Variants in CACNA1E observed in about 807,000 individuals in gnomAD.
CACNA1E encodes calcium voltage-gated channel subunit alpha1 E, also known as voltage-dependent R-type calcium channel subunit alpha-1E.
A neutral mutation model predicts 259.2 loss-of-function variants in CACNA1E; 40 were observed. That is an observed-to-expected ratio of 0.15 (90% CI 0.12 to 0.20). CACNA1E has a LOEUF of 0.20. Among genes scored for constraint, CACNA1E ranks in the 10% least tolerant of loss-of-function variants. The pLI is 1.00. For synonymous variants in CACNA1E, 1,104 were observed against 1,138.5 expected (o/e 0.97, Z 0.61); for missense variants, 1,874 against 3,040.1 (o/e 0.62, Z 9.02).
rs113998101 is a variant in CACNA1E, at chr1:181,691,240, A to T, written c.1056-19714A>T. ...TTTATTTAGTTCTTTGATTTTATTT[A>T]TCAGAGTTTTGTAGTTTTCCTTATG... On this transcript the variant is annotated intron_variant, in intron 7 of 47. Coordinates refer to ENST00000367573, the MANE Select transcript of CACNA1E (RefSeq NM_001205293.3). Among the ~76,000 whole-genome samples, 972 of 151,946 alleles carry T rather than the reference A, an allele frequency of 6.4e-3. 14 individuals carry two copies. Among genetic ancestry groups the T allele is most frequent in the African/African-American group, 0.023 (934 of 41,508 alleles).
intron 3 of CACNA1E, among the ~76,000 whole-genome samples, chr1:181,549,833 G>A (rs79755568): frequency 0.014 from 2,200 of 152,320 alleles, 68 homozygotes; most frequent in East Asian, 0.14. Flanking sequence ...TGGAGTGGGC[G>A]TGGAGTGGAG....
chr1:181,412,563 CA>C (rs111792171), intron 1 of CACNA1E, among the ~76,000 whole-genome samples: 269 of 141,276 alleles, frequency 1.9e-3, no homozygotes, highest in Non-Finnish European at 1.8e-3. Flanking sequence ...GATCCTATCT[CA>C]AAAAAAAAAA....
chr1:181,705,332 T>C (rs1186257505), intron 7 of CACNA1E, among the ~76,000 whole-genome samples: 1 of 152,244 alleles, frequency 6.6e-6, no homozygotes, highest in African/African-American at 2.4e-5. Flanking sequence ...TTATATAGAA[T>C]TAGCTGTGTA....
intron 1 of CACNA1E, among the ~76,000 whole-genome samples, chr1:181,320,834 C>T (rs1650283002): frequency 6.6e-6 from 1 of 152,162 alleles, no homozygotes; most frequent in South Asian, 2.1e-4. Flanking sequence ...CAGCAGTGTC[C>T]TTGCTTGGTG....
chr1:181,531,212 T>C (rs1233918910), intron 3 of CACNA1E, among the ~76,000 whole-genome samples: 1 of 152,234 alleles, frequency 6.6e-6, no homozygotes, highest in Non-Finnish European at 1.5e-5. Context: ...GATTCCCCTG[T>C]CTTTTCTGTT....
chr1:181,415,841 G>A (rs1658229210), intron 2 of CACNA1E, among the ~76,000 whole-genome samples: 1 of 152,120 alleles, frequency 6.6e-6, no homozygotes, highest in Admixed American at 6.5e-5. Context: ...CTCTGTACAT[G>A]CCTTAATTTG....
intron 1 of CACNA1E, among the ~76,000 whole-genome samples, chr1:181,506,269 T>C (rs578048362): frequency 6.6e-6 from 1 of 152,154 alleles, no homozygotes; most frequent in Non-Finnish European, 1.5e-5. Context: ...TGGGTGGGTG[T>C]TATTTGCCGT....
intron 3 of CACNA1E, among the ~76,000 whole-genome samples, chr1:181,572,568 C>G (rs1489583465): frequency 6.6e-6 from 1 of 152,136 alleles, no homozygotes; most frequent in African/African-American, 2.4e-5. Flanking sequence ...TAAGCACCCC[C>G]CTGTATACAG....
At chr1:181,396,944 A>G (rs1656720950) in intron 1 of CACNA1E, among the ~76,000 whole-genome samples, 2 of 152,230 alleles carry the variant, frequency 1.3e-5, no homozygotes, top group Admixed American at 1.3e-4. Flanking sequence ...AGTAGAACAC[A>G]TCTGTCCAGC....
intron 3 of CACNA1E, among the ~76,000 whole-genome samples, chr1:181,532,689 C>G (rs547564728): frequency 1.3e-5 from 2 of 152,358 alleles, no homozygotes; most frequent in East Asian, 3.9e-4. Context: ...TCTCCCCAAG[C>G]TGAATAGCTG....
At chr1:181,577,676 G>C in intron 3 of CACNA1E, 90 bp from the exon 4 acceptor site, 1 of 800,874 alleles carries the variant, frequency 1.2e-6, no homozygotes, top group South Asian at 1.7e-5. Context: ...GTGCTTTCCA[G>C]GCTGAGCTTG....
At chr1:181,641,708 T>TG (rs1558217571) in intron 6 of CACNA1E, among the ~76,000 whole-genome samples, 10 of 56,564 alleles carry the variant, frequency 1.8e-4, no homozygotes, top group African/African-American at 4.2e-4. Context: ...TTTTTGTTTT[T>TG]TTTTTTTTTT....
At chr1:181,592,566 C>T (rs185542530) in intron 6 of CACNA1E, among the ~76,000 whole-genome samples, 116 of 152,060 alleles carry the variant, frequency 7.6e-4, no homozygotes, top group African/African-American at 2.6e-3. Context: ...AGAGGGTTTG[C>T]GTGTAATTAG....
At chr1:181,614,715 A>T (rs780416347) in intron 6 of CACNA1E, among the ~76,000 whole-genome samples, 8 of 152,202 alleles carry the variant, frequency 5.3e-5, no homozygotes, top group Non-Finnish European at 1.2e-4. Flanking sequence ...CAGTCTGTAA[A>T]TGTGTGGATA....
At chr1:181,637,618 A>G (rs899246106) in intron 6 of CACNA1E, among the ~76,000 whole-genome samples, 2 of 152,134 alleles carry the variant, frequency 1.3e-5, no homozygotes, top group African/African-American at 4.8e-5. Context: ...GCACCTACTG[A>G]GAGCTAAGTT....
rs767731492 is a variant in CACNA1E, at chr1:181,794,921, T to C, written c.6085T>C (p.Ser2029Pro). Residue 2029 changes from serine to proline, a missense_variant, in exon 46 of 48, where the codon TCA (serine) becomes CCA (proline). Physicochemically the swap from Ser to Pro is moderately conservative, Grantham distance 74. This residue lies in a region of CACNA1E where 542 missense variants were observed against 587.2 expected (regional missense o/e 0.92). Coordinates refer to ENST00000367573, the MANE Select transcript of CACNA1E (RefSeq NM_001205293.3). ...ATTTTCCACTATTCGGGATAAGCGT[T>C]CAAATTCCTCGTGGTTGGAGGAATT... ...RSFSTIRDKR[S>P]NSSWLEEFSM... The C allele has an allele frequency of 6.2e-7, 1 of 1,613,946 alleles. No individual in the cohort carries two copies. The highest frequency in any genetic ancestry group is 1.1e-5 in the South Asian group (1 of 91,072).
At chr1:181,791,327 T>A (rs6682355) in intron 44 of CACNA1E, among the ~76,000 whole-genome samples, 12,848 of 152,038 alleles carry the variant, frequency 0.085, 691 homozygotes, top group South Asian at 0.27. Context: ...AAAAAAATTA[T>A]CCAGGCTTGG....
At chr1:181,686,109 C>A (rs942690289) in intron 7 of CACNA1E, among the ~76,000 whole-genome samples, 2 of 151,912 alleles carry the variant, frequency 1.3e-5, no homozygotes, top group Non-Finnish European at 2.9e-5. Flanking sequence ...AGAATCCAGG[C>A]CCCTGACTCC....
chr1:181,655,807 T>C (rs1156276952), intron 7 of CACNA1E, among the ~76,000 whole-genome samples: 1 of 152,142 alleles, frequency 6.6e-6, no homozygotes, highest in Admixed American at 6.5e-5. Context: ...ATAAAACTAA[T>C]GTATTCCCCA....
Sources: allele counts gnomAD v4.1 joint callset (sites outside exome capture counted in the v4.1 genomes callset), GRCh38; gene constraint gnomAD v4.1.1; regional missense constraint gnomAD v4.1.1; transcripts MANE v1.5; gene names NCBI Gene and HGNC (gene_info 2026-07-23, HGNC 2026-07-21).